Variants in TRMT11 observed in about 807,000 individuals in gnomAD.
TRMT11 encodes tRNA methyltransferase 11.
Under a neutral mutation model 62.8 loss-of-function variants are expected in TRMT11, and 53 were observed. The observed-to-expected ratio is 0.84, with a 90% CI of 0.68 to 1.06. TRMT11 has a LOEUF of 1.06. Ranked by LOEUF, TRMT11 falls within the 50% of genes least tolerant of loss-of-function variation. The pLI is 0.00. For missense variants in TRMT11, 556 were observed against 553.4 expected (o/e 1.00, Z -0.05); for synonymous variants, 188 against 190.3 (o/e 0.99, Z 0.10).
intron 9 of TRMT11, 121 bp downstream of exon 9, chr6:126,011,538 A>G (rs1462914677): frequency 2.7e-6 from 2 of 750,028 alleles, no homozygotes; most frequent in Non-Finnish European, 4.3e-6. Flanking sequence ...TCTCCCATCT[A>G]CCCCCAGCTT....
chr6:126,068,426 T>C (rs2128136252), intron 17 of TRMT11, among the ~76,000 whole-genome samples: 2 of 152,274 alleles, frequency 1.3e-5, no homozygotes, highest in Middle Eastern at 6.8e-3. Context: ...GCCTTTCAGG[T>C]TTGTTTAGAT....
At chr6:126,029,230 C>T (rs1773740192) in intron 12 of TRMT11, among the ~76,000 whole-genome samples, 1 of 152,082 alleles carries the variant, frequency 6.6e-6, no homozygotes, top group Admixed American at 6.6e-5. Flanking sequence ...TTCTAAGAAT[C>T]TAACTCTGAG....
At chr6:125,999,981 T>G (rs1006629596) in intron 7 of TRMT11, among the ~76,000 whole-genome samples, 1 of 152,168 alleles carries the variant, frequency 6.6e-6, no homozygotes, top group Non-Finnish European at 1.5e-5. Flanking sequence ...ATCAAAAAAA[T>G]GTATTCATCC....
chr6:126,117,813 G>A (rs974095145), intron 21 of TRMT11, among the ~76,000 whole-genome samples: 14 of 152,086 alleles, frequency 9.2e-5, no homozygotes, highest in African/African-American at 3.1e-4. Context: ...GTCAGGCGAT[G>A]TGGATTCTAG....
At chr6:126,237,075 G>GAGAT in the TRMT11 span, among the ~76,000 whole-genome samples, 2 of 152,074 alleles carry the variant, frequency 1.3e-5, no homozygotes, top group East Asian at 3.9e-4. Context: ...TAGAGAGAGA[G>GAGAT]AGAGAGAGAG....
chr6:126,171,741 AGAGTTTC>A (rs1401586109), intron 21 of TRMT11, among the ~76,000 whole-genome samples: 1 of 152,134 alleles, frequency 6.6e-6, no homozygotes, highest in East Asian at 1.9e-4. Context: ...TTTAAGAGAG[AGAGTTTC>A]GCTCTTGTCG....
intron 17 of TRMT11, among the ~76,000 whole-genome samples, chr6:126,091,280 T>C (rs1335367555): frequency 1.3e-5 from 2 of 152,120 alleles, no homozygotes; most frequent in Non-Finnish European, 2.9e-5. Flanking sequence ...ACTTCATAAG[T>C]AGTGAAGTGT....
chr6:126,123,157 A>G (rs1026591123), intron 21 of TRMT11, among the ~76,000 whole-genome samples: 3 of 152,134 alleles, frequency 2.0e-5, no homozygotes, highest in African/African-American at 7.2e-5. Context: ...AGCACTTAAA[A>G]CAGTGCCTAG....
the TRMT11 span, among the ~76,000 whole-genome samples, chr6:126,217,891 C>T: frequency 9.5e-4 from 144 of 152,216 alleles, no homozygotes; most frequent in African/African-American, 3.3e-3. Context: ...GGAGCCAGGG[C>T]CTGGAGTCAG....
At chr6:126,096,875 C>A (rs927638189) in intron 17 of TRMT11, among the ~76,000 whole-genome samples, 1 of 152,056 alleles carries the variant, frequency 6.6e-6, no homozygotes, top group African/African-American at 2.4e-5. Context: ...TGGACAATTT[C>A]CTTAGGAAAG....
chr6:126,257,140 C>T, the TRMT11 span, among the ~76,000 whole-genome samples: 1 of 152,016 alleles, frequency 6.6e-6, no homozygotes, highest in Non-Finnish European at 1.5e-5. Flanking sequence ...CCCACGTCAG[C>T]ATCCCAATGT....
chr6:126,064,563 G>C (rs987385140), intron 17 of TRMT11, among the ~76,000 whole-genome samples: 15 of 150,886 alleles, frequency 9.9e-5, no homozygotes, highest in Admixed American at 8.6e-4. Flanking sequence ...TTGCCTCCAA[G>C]ATAAAAAAAA....
chr6:126,180,980 G>A (rs997031060), intron 1 of TRMT11, among the ~76,000 whole-genome samples: 4 of 152,074 alleles, frequency 2.6e-5, no homozygotes, highest in South Asian at 2.1e-4. Context: ...TTATATTTAC[G>A]TAATAAGTAT....
At chr6:126,037,635 A>G (rs1283706305) in intron 12 of TRMT11, among the ~76,000 whole-genome samples, 1 of 152,022 alleles carries the variant, frequency 6.6e-6, no homozygotes, top group East Asian at 1.9e-4. Flanking sequence ...TGTGATTTTA[A>G]AAATATATGT....
chr6:126,104,881 G>A (rs1777447049), intron 17 of TRMT11, among the ~76,000 whole-genome samples: 1 of 151,668 alleles, frequency 6.6e-6, no homozygotes, highest in Non-Finnish European at 1.5e-5. Flanking sequence ...CCTATTGATG[G>A]GACAAATTGG....
chr6:126,250,041 T>C, the TRMT11 span, among the ~76,000 whole-genome samples: 1 of 152,208 alleles, frequency 6.6e-6, no homozygotes, highest in African/African-American at 2.4e-5. Flanking sequence ...AGGACTTTGT[T>C]ACACTCTTCG....
At chr6:126,248,853 C>T in the TRMT11 span, among the ~76,000 whole-genome samples, 1 of 152,114 alleles carries the variant, frequency 6.6e-6, no homozygotes, top group Non-Finnish European at 1.5e-5. Flanking sequence ...TGCCACTACT[C>T]AATACTGCTT....
chr6:126,033,477 G>A (rs1042453658), intron 12 of TRMT11, among the ~76,000 whole-genome samples: 7 of 152,092 alleles, frequency 4.6e-5, no homozygotes, highest in African/African-American at 1.7e-4. Flanking sequence ...ATAAGGTCAC[G>A]TTTATATACC....
At chr6:126,236,649 T>G in the TRMT11 span, among the ~76,000 whole-genome samples, 1 of 152,238 alleles carries the variant, frequency 6.6e-6, no homozygotes, top group Non-Finnish European at 1.5e-5. Context: ...TAATTTAGCT[T>G]ACTACGTATT....
Sources: allele counts gnomAD v4.1 joint callset (sites outside exome capture counted in the v4.1 genomes callset), GRCh38; gene constraint gnomAD v4.1.1; transcripts MANE v1.5; gene names NCBI Gene and HGNC (gene_info 2026-07-23, HGNC 2026-07-21).